The following KLHDC4 variants were observed in gnomAD, a reference collection of about 807,000 sequenced individuals.
KLHDC4 encodes the protein kelch domain-containing protein 4.
In KLHDC4, 90 loss-of-function variants were observed where a neutral mutation model predicts 62.4. The ratio of observed to expected loss-of-function variants is 1.44; its 90% CI spans 1.22 to 1.72. KLHDC4 has a LOEUF of 1.72. KLHDC4 is among the 40% of genes most tolerant of loss of function. The pLI, the probability that KLHDC4 is intolerant of heterozygous loss-of-function variation, is 0.00. For synonymous variants in KLHDC4, 386 were observed against 284.4 expected, an observed-to-expected ratio of 1.36 and a Z score of -3.59; for missense variants, 1,025 against 699.7, an observed-to-expected ratio of 1.47 and a Z score of -5.25.
exon 1 of KLHDC4, chr16:87,702,056 C>G (rs192252545): frequency 2.2e-6 from 1 of 456,206 alleles, no homozygotes; most frequent in African/African-American, 2.0e-5. Context: ...CTGGTGACCC[C>G]AGGCTGCTGT....
chr16:87,719,378 G>C (rs1172280895), intron 7 of KLHDC4, among the ~76,000 whole-genome samples: 1 of 152,172 alleles, frequency 6.6e-6, no homozygotes, highest in South Asian at 2.1e-4. Flanking sequence ...CCCCAACCCT[G>C]TGCTCTCTGA....
At chr16:87,760,540 G>C (rs1047307863) in intron 2 of KLHDC4, among the ~76,000 whole-genome samples, 3 of 146,732 alleles carry the variant, frequency 2.0e-5, no homozygotes, top group East Asian at 4.1e-4. Context: ...CCGGGAGGCA[G>C]AGCTTGCAGT....
At chr16:87,755,362 A>T in intron 3 of KLHDC4, 70 bp from the exon 4 acceptor site, 1 of 816,084 alleles carries the variant, frequency 1.2e-6, no homozygotes, top group Non-Finnish European at 2.1e-6. Context: ...GAACAATCTT[A>T]ATCATGACAA....
At chr16:87,706,007 CAG>C (rs746585575), downstream of KLHDC4, among the ~76,000 whole-genome samples, 82 of 151,602 alleles carry the variant, frequency 5.4e-4, no homozygotes, top group Non-Finnish European at 1.0e-3. Flanking sequence ...CTGCAGCTCT[CAG>C]GGGGTTGGCA....
chr16:87,762,364 G>C (rs1158971311), intron 1 of KLHDC4, among the ~76,000 whole-genome samples: 2 of 152,150 alleles, frequency 1.3e-5, no homozygotes, highest in Non-Finnish European at 2.9e-5. Context: ...TCATAACCCA[G>C]ACTCGAGCCG....
chr16:87,731,621 G>A (rs1034812540), intron 5 of KLHDC4, among the ~76,000 whole-genome samples: 2 of 151,564 alleles, frequency 1.3e-5, no homozygotes, highest in African/African-American at 4.8e-5. Flanking sequence ...TGGGGCTGCT[G>A]GAGCCATGGC....
In KLHDC4 at chr16:87,744,581, AG is replaced by A. The variant is rs763349185; in HGVS notation, c.506+4091del. ...CTGGGCAACAGAGCTAGACTGTCTC[AG>A]AAAAAAAAAAAAAATAGAATTTGAA... On this transcript the variant is annotated intron_variant, in intron 5 of 11. Coordinates refer to ENST00000270583, the MANE Select transcript of KLHDC4 (RefSeq NM_017566.4). 4.3e-3 allele frequency among the ~76,000 whole-genome samples: 430 copies of A among 100,042 alleles called. 1 individual carries two copies. The highest frequency in any genetic ancestry group is 5.0e-3 in the Non-Finnish European group (232 of 46,394). 65.6% of individuals were successfully genotyped at this position (100,042 alleles called of 152,430 possible).
intron 9 of KLHDC4, 116 bp downstream of exon 9, chr16:87,711,119 A>C: frequency 1.3e-5 from 12 of 944,586 alleles, no homozygotes; most frequent in South Asian, 3.0e-5. Flanking sequence ...CCCTCTTGAG[A>C]GAGCTCATGG....
chr16:87,745,692 G>C (rs1298595108), intron 5 of KLHDC4, among the ~76,000 whole-genome samples: 2 of 152,222 alleles, frequency 1.3e-5, no homozygotes, highest in African/African-American at 4.8e-5. Context: ...CATTGGGGCA[G>C]GGTGGGAGAG....
intron 3 of KLHDC4, 200 bp downstream of exon 3, chr16:87,756,199 C>A: frequency 2.0e-6 from 1 of 488,108 alleles, no homozygotes; most frequent in East Asian, 3.4e-5. Flanking sequence ...GAATAGAGAC[C>A]CCAGGACCAC....
chr16:87,753,790 A>G (rs1461726391), intron 4 of KLHDC4, among the ~76,000 whole-genome samples: 1 of 144,956 alleles, frequency 6.9e-6, no homozygotes, highest in Admixed American at 7.0e-5. Context: ...AACAAGAGAG[A>G]GACTCCATCT....
At chr16:87,707,591 G>T (rs1171431183), downstream of KLHDC4, among the ~76,000 whole-genome samples, 1 of 152,230 alleles carries the variant, frequency 6.6e-6, no homozygotes, top group Non-Finnish European at 1.5e-5. Context: ...TGGATGGGCA[G>T]TCAGGGCCCT....
chr16:87,738,750 A>C (rs1597220603), intron 5 of KLHDC4, among the ~76,000 whole-genome samples: 3 of 89,114 alleles, frequency 3.4e-5, no homozygotes, highest in Non-Finnish European at 6.7e-5. Flanking sequence ...ACACACCAGC[A>C]CCTCATCCAC....
At chr16:87,738,441 G>T (rs535706282) in intron 5 of KLHDC4, among the ~76,000 whole-genome samples, 4 of 152,192 alleles carry the variant, frequency 2.6e-5, no homozygotes, top group African/African-American at 9.6e-5. Flanking sequence ...TGCATACAAA[G>T]ATGTATGCAC....
chr16:87,709,207 G>T lies in KLHDC4; in HGVS notation c.1447+58C>A, dbSNP rs1406815745. On this transcript the variant is annotated intron_variant, in intron 10 of 11. Coordinates refer to ENST00000270583, the MANE Select transcript of KLHDC4 (RefSeq NM_017566.4). The stretch of plus-strand genomic sequence containing the variant: ...TGCAGGGCTTGCTTTCGAGGGACGC[G>T]ACACACGACCGTGGGCTCTCGCTCC... 1.9e-6 allele frequency: 3 copies of T among 1,554,484 alleles called. No homozygotes were observed. In the South Asian group the frequency reaches 3.6e-5, roughly 18 times the overall value.
intron 5 of KLHDC4, among the ~76,000 whole-genome samples, chr16:87,742,782 T>C (rs2042420520): frequency 6.6e-6 from 1 of 152,168 alleles, no homozygotes; most frequent in African/African-American, 2.4e-5. Context: ...ACAGCTCTGC[T>C]GGCCACTGTG....
At chr16:87,731,450 AG>A (rs148677641) in intron 5 of KLHDC4, among the ~76,000 whole-genome samples, 1,936 of 152,176 alleles carry the variant, frequency 0.013, 28 homozygotes, top group Non-Finnish European at 0.02. Context: ...TTCGTAAGAT[AG>A]AAAAATGGGG....
At chr16:87,741,447 T>G (rs2042227238) in intron 5 of KLHDC4, among the ~76,000 whole-genome samples, 2 of 152,184 alleles carry the variant, frequency 1.3e-5, no homozygotes, top group Non-Finnish European at 2.9e-5. Context: ...AACCCTGTTG[T>G]GGGCTGCACA....
intron 1 of KLHDC4, 108 bp from the exon 2 acceptor site, chr16:87,762,148 C>T: frequency 1.3e-6 from 2 of 1,535,464 alleles, no homozygotes; most frequent in South Asian, 1.3e-5. Context: ...GGCTCAGTCA[C>T]ATCTGTGAAT....
Sources: gnomAD v4.1 joint callset for allele counts (sites outside exome capture counted in the v4.1 genomes callset) on GRCh38, gnomAD v4.1.1 for gene constraint, MANE v1.5 for transcripts, NCBI Gene and HGNC (gene_info 2026-07-23, HGNC 2026-07-21) for gene names.